Variants in DNAAF4 observed in about 807,000 individuals in gnomAD.
DNAAF4 encodes dynein axonemal assembly factor 4.
DNAAF4 carries 43 observed loss-of-function variants against 51.8 expected under a neutral mutation model. The observed-to-expected ratio is 0.83, with a 90% CI of 0.65 to 1.07. DNAAF4 has a LOEUF of 1.07. Ranked by LOEUF, DNAAF4 falls within the 50% of genes least tolerant of loss-of-function variation. The pLI, the probability that DNAAF4 is intolerant of heterozygous loss-of-function variation, is 0.00. For synonymous variants in DNAAF4, 194 were observed against 165.6 expected (o/e 1.17, Z -1.32); for missense variants, 581 against 493.0 (o/e 1.18, Z -1.69).
chr15:55,473,238 TA>T (rs2058286030), intron 4 of DNAAF4, among the ~76,000 whole-genome samples: 1 of 142,580 alleles, frequency 7.0e-6, no homozygotes, highest in East Asian at 2.0e-4. Context: ...TGTGTATATA[TA>T]TATATGTGTG....
chr15:55,495,949 G>A (rs371735324), intron 3 of DNAAF4, among the ~76,000 whole-genome samples: 2 of 152,114 alleles, frequency 1.3e-5, no homozygotes, highest in South Asian at 2.1e-4. Flanking sequence ...ATGTCAGGCC[G>A]GTCGCGGTGG....
chr15:55,449,148 C>A (rs1043587027), intron 6 of DNAAF4, among the ~76,000 whole-genome samples: 1 of 150,340 alleles, frequency 6.7e-6, no homozygotes. Flanking sequence ...TGCCACCACA[C>A]TGGACTAATT....
chr15:55,437,319 T>C (rs543256564), intron 7 of DNAAF4, among the ~76,000 whole-genome samples: 1 of 152,336 alleles, frequency 6.6e-6, no homozygotes, highest in Admixed American at 6.5e-5. Context: ...AGATTATATA[T>C]GGTTTTACTC....
chr15:55,444,512 G>C (rs1157533256), intron 6 of DNAAF4, among the ~76,000 whole-genome samples: 1 of 152,190 alleles, frequency 6.6e-6, no homozygotes, highest in Non-Finnish European at 1.5e-5. Flanking sequence ...GCTTAGGATT[G>C]TCTTGGCAAT....
intron 3 of DNAAF4, among the ~76,000 whole-genome samples, chr15:55,494,529 A>T (rs572606770): frequency 6.4e-4 from 98 of 152,194 alleles, no homozygotes; most frequent in Non-Finnish European, 1.3e-3. Flanking sequence ...CTCCTGCATC[A>T]GCCTCCCAAG....
At chr15:55,479,735 A>G (rs1567026564) in intron 4 of DNAAF4, among the ~76,000 whole-genome samples, 1 of 152,130 alleles carries the variant, frequency 6.6e-6, no homozygotes, top group Non-Finnish European at 1.5e-5. Context: ...GCGGAGGTCT[A>G]TAAATGGCCG....
chr15:55,495,411 A>T (rs2058628132), intron 3 of DNAAF4, among the ~76,000 whole-genome samples: 1 of 150,958 alleles, frequency 6.6e-6, no homozygotes, highest in South Asian at 2.1e-4. Flanking sequence ...AAGAGTCCAT[A>T]TTCAAGGCTT....
chr15:55,491,302 C>A (rs1258251084), intron 3 of DNAAF4, 46 bp from the exon 4 acceptor site: 1 of 1,572,156 alleles, frequency 6.4e-7, no homozygotes. Context: ...GACAAATTTG[C>A]TTTACTTATG....
intron 4 of DNAAF4, among the ~76,000 whole-genome samples, chr15:55,482,973 T>A (rs1441379364): frequency 6.6e-6 from 1 of 152,168 alleles, no homozygotes; most frequent in Non-Finnish European, 1.5e-5. Context: ...CCACACACTG[T>A]ATGTGAAATG....
intron 4 of DNAAF4, among the ~76,000 whole-genome samples, chr15:55,475,125 T>C (rs1012083267): frequency 5.9e-5 from 9 of 152,242 alleles, no homozygotes; most frequent in African/African-American, 2.2e-4. Flanking sequence ...AGTATGTTGA[T>C]GCGCTGCAAA....
intron 3 of DNAAF4, among the ~76,000 whole-genome samples, chr15:55,495,867 G>A (rs1042860460): frequency 1.3e-5 from 2 of 152,198 alleles, no homozygotes; most frequent in African/African-American, 2.4e-5. Context: ...TATGGAAGCT[G>A]ATCTTGGTAT....
chr15:55,457,748 T>C (rs1397492032), intron 5 of DNAAF4, among the ~76,000 whole-genome samples: 1 of 152,158 alleles, frequency 6.6e-6, no homozygotes, highest in East Asian at 1.9e-4. Flanking sequence ...ACATAACCAG[T>C]ACTTGAAGTG....
intron 5 of DNAAF4, among the ~76,000 whole-genome samples, chr15:55,458,378 A>G (rs909698586): frequency 6.6e-6 from 1 of 152,222 alleles, no homozygotes; most frequent in East Asian, 1.9e-4. Context: ...AGACACACTT[A>G]AAGAAATGCA....
At chr15:55,453,363 G>A (rs2057965870) in intron 5 of DNAAF4, among the ~76,000 whole-genome samples, 1 of 151,990 alleles carries the variant, frequency 6.6e-6, no homozygotes, top group South Asian at 2.1e-4. Context: ...CCAGTATGAG[G>A]AACAATCAGC....
intron 6 of DNAAF4, among the ~76,000 whole-genome samples, chr15:55,449,833 C>T (rs939261183): frequency 3.3e-5 from 5 of 150,828 alleles, no homozygotes; most frequent in African/African-American, 1.2e-4. Context: ...CTAGTAGCTG[C>T]GATCACAGGT....
chr15:55,478,573 C>A (rs1345484079), intron 4 of DNAAF4, among the ~76,000 whole-genome samples: 1 of 152,166 alleles, frequency 6.6e-6, no homozygotes, highest in East Asian at 1.9e-4. Context: ...TCCAATTAAG[C>A]TGAAGTCAAA....
At chr15:55,442,701 A>T in intron 6 of DNAAF4, 1 of 1,474,288 alleles carries the variant, frequency 6.8e-7, no homozygotes, top group Non-Finnish European at 9.5e-7. Flanking sequence ...GGGTCTTCTC[A>T]TCAACACTCT....
rs1479196000 is a variant in DNAAF4 at position 55,467,147 on chromosome 15, C to A, written c.420G>T (p.Glu140Asp). ...CTTTCATATCTTCTATTTTTTTCCT[C>A]TCTTCTTCTTCAATCTATAACAATT... ...LSVMMKIEEE[E>D]RKKIEDMKEN... Residue 140 changes from glutamate to aspartate, a missense_variant, in exon 5 of 10, where the codon GAG becomes GAT. Glu to Asp is a conservative substitution (Grantham distance 45). Transcript: ENST00000321149. 1.9e-6 allele frequency: 3 copies of A among 1,539,780 alleles called. No individual in the cohort carries two copies. The African/African-American group carries it at 4.2e-5, about 22-fold the overall frequency.
intron 7 of DNAAF4, among the ~76,000 whole-genome samples, chr15:55,435,393 G>T (rs534628427): frequency 6.6e-6 from 1 of 152,138 alleles, no homozygotes; most frequent in Non-Finnish European, 1.5e-5. Context: ...TTTCAAAGTT[G>T]AAGAATGAAA....
Sources: gnomAD v4.1 joint callset for allele counts (sites outside exome capture counted in the v4.1 genomes callset) on GRCh38, gnomAD v4.1.1 for gene constraint, MANE v1.5 for transcripts, NCBI Gene and HGNC (gene_info 2026-07-23, HGNC 2026-07-21) for gene names.